QNG1: variants seen among roughly 807,000 people sequenced by gnomAD.
The protein encoded by QNG1 is Q-nucleotide N-glycosylase 1, also known as queuosine 5'-phosphate N-glycosylase/hydrolase.
the QNG1 span, among the ~76,000 whole-genome samples, chr9:83,951,554 G>A: frequency 6.6e-6 from 1 of 152,020 alleles, no homozygotes; most frequent in Non-Finnish European, 1.5e-5. Context: ...GCGAGACTCT[G>A]TCTCAAAAAA....
At chr9:83,944,946 G>C in the QNG1 span, 3 of 1,611,998 alleles carry the variant, frequency 1.9e-6, no homozygotes, top group Non-Finnish European at 2.5e-6. Flanking sequence ...CCACGTATCT[G>C]CTACAAGGAT....
chr9:83,944,812 G>T, the QNG1 span: 1 of 1,612,584 alleles, frequency 6.2e-7, no homozygotes, highest in Middle Eastern at 1.7e-4. Flanking sequence ...AGCTTCTTCA[G>T]TAGGTCATCA....
the QNG1 span, among the ~76,000 whole-genome samples, chr9:83,951,120 A>C: frequency 6.6e-6 from 1 of 151,932 alleles, no homozygotes. Context: ...AAAATATAAA[A>C]ATTGACCAGG....
chr9:83,950,150 G>A, the QNG1 span, among the ~76,000 whole-genome samples: 2 of 151,276 alleles, frequency 1.3e-5, no homozygotes, highest in South Asian at 4.2e-4. Flanking sequence ...CCCGGGTTCA[G>A]GCCATTCTCC....
the QNG1 span, among the ~76,000 whole-genome samples, chr9:83,952,404 G>A: frequency 6.6e-6 from 1 of 152,214 alleles, no homozygotes; most frequent in Non-Finnish European, 1.5e-5. Flanking sequence ...GCTCACGCCT[G>A]TAATCCCAGA....
At chr9:83,947,869 C>G in the QNG1 span, among the ~76,000 whole-genome samples, 1 of 152,206 alleles carries the variant, frequency 6.6e-6, no homozygotes, top group Admixed American at 6.5e-5. Context: ...ACTACAACCT[C>G]CACCTCCCAG....
chr9:83,950,596 CTTTTT>C, the QNG1 span, among the ~76,000 whole-genome samples: 4 of 118,318 alleles, frequency 3.4e-5, no homozygotes, highest in African/African-American at 9.7e-5. Context: ...CTTTTCTTTT[CTTTTT>C]TTTTTTTTTT....
chr9:83,943,331 C>CAAAAAAAAAAAAAAAA, the QNG1 span, among the ~76,000 whole-genome samples: 3 of 62,524 alleles, frequency 4.8e-5, no homozygotes, highest in African/African-American at 1.0e-4. Flanking sequence ...CAGAGCGTCT[C>CAAAAAAAAAAAAAAAA]AAAAAAAAAA....
the QNG1 span, chr9:83,956,357 C>T: frequency 1.9e-6 from 3 of 1,610,562 alleles, no homozygotes; most frequent in Non-Finnish European, 2.5e-6. Flanking sequence ...GGGCTTTCCA[C>T]CCCTCCACGC....
At chr9:83,946,904 AT>A in the QNG1 span, among the ~76,000 whole-genome samples, 642 of 144,460 alleles carry the variant, frequency 4.4e-3, 1 homozygote, top group Middle Eastern at 7.1e-3. Context: ...TGGCCTACAA[AT>A]TTTTTTTTTT....
chr9:83,942,311 A>G, the QNG1 span, among the ~76,000 whole-genome samples: 1 of 152,320 alleles, frequency 6.6e-6, no homozygotes, highest in Admixed American at 6.5e-5. Flanking sequence ...TGGCCCAGGT[A>G]TTTGGTCTAA....
the QNG1 span, chr9:83,956,471 G>A: frequency 1.3e-6 from 2 of 1,527,646 alleles, no homozygotes; most frequent in Non-Finnish European, 1.8e-6. Flanking sequence ...TGAATTTAGA[G>A]GATTCCCTGG....
At chr9:83,942,140 G>A in the QNG1 span, among the ~76,000 whole-genome samples, 2 of 152,164 alleles carry the variant, frequency 1.3e-5, no homozygotes, top group Admixed American at 1.3e-4. Context: ...ATACATTTCT[G>A]TTCCTTGAAG....
At chr9:83,956,656 T>C in the QNG1 span, 1 of 581,850 alleles carries the variant, frequency 1.7e-6, no homozygotes, top group Non-Finnish European at 2.8e-6. Flanking sequence ...GCAGCCAAGG[T>C]AAAGGTTCTC....
At chr9:83,943,995 T>C in the QNG1 span, among the ~76,000 whole-genome samples, 1 of 148,390 alleles carries the variant, frequency 6.7e-6, no homozygotes, top group African/African-American at 2.6e-5. Flanking sequence ...CACTCTAGCC[T>C]GGGCAACAGA....
chr9:83,946,142 T>TA, the QNG1 span, among the ~76,000 whole-genome samples: 2 of 151,534 alleles, frequency 1.3e-5, no homozygotes, highest in Non-Finnish European at 2.9e-5. Context: ...CCGTCTGTAC[T>TA]AAAAATACAA....
the QNG1 span, among the ~76,000 whole-genome samples, chr9:83,940,588 G>A: frequency 3.3e-5 from 5 of 152,146 alleles, no homozygotes; most frequent in Non-Finnish European, 5.9e-5. Context: ...TGTAGTGAGC[G>A]AGGTAGTGTA....
the QNG1 span, among the ~76,000 whole-genome samples, chr9:83,952,074 C>A: frequency 1.3e-5 from 2 of 152,294 alleles, no homozygotes; most frequent in Non-Finnish European, 2.9e-5. Flanking sequence ...GCAGCCTCCA[C>A]CTCCTGGGCT....
the QNG1 span, among the ~76,000 whole-genome samples, chr9:83,951,890 G>A: frequency 6.6e-6 from 1 of 152,304 alleles, no homozygotes; most frequent in South Asian, 2.1e-4. Context: ...ATTAAAAATT[G>A]TTAACTTTAT....
Sources: gnomAD v4.1 joint callset for allele counts (sites outside exome capture counted in the v4.1 genomes callset) on GRCh38, gnomAD v4.1.1 for gene constraint, MANE v1.5 for transcripts, NCBI Gene and HGNC (gene_info 2026-07-23, HGNC 2026-07-21) for gene names.